Variants in KIF6 observed in about 807,000 individuals in gnomAD.
KIF6 encodes the protein kinesin-like protein KIF6.
In KIF6, 106 loss-of-function variants were observed where a neutral mutation model predicts 112.7. The observed-to-expected ratio is 0.94, with a 90% confidence interval of 0.80 to 1.11. The LOEUF (loss-of-function observed/expected upper bound fraction) is 1.11, where lower values mean the gene tolerates loss of function less well. Among genes scored for constraint, KIF6 ranks in the 50% least tolerant of loss-of-function variants. The probability of loss-of-function intolerance (pLI) is 0.00; values close to 1 mark genes in which losing one functional copy is unlikely to be tolerated. For missense variants in KIF6, 929 were observed against 964.0 expected (o/e 0.96, Z 0.48); for synonymous variants, 339 against 339.9 (o/e 1.00, Z 0.03).
At chr6:39,642,165 G>A (rs1464032215) in intron 3 of KIF6, among the ~76,000 whole-genome samples, 3 of 152,074 alleles carry the variant, frequency 2.0e-5, no homozygotes, top group African/African-American at 7.2e-5. Context: ...AAGAGAAATA[G>A]TGGTGTAATG....
At chr6:39,649,507 C>A (rs1561896975) in intron 3 of KIF6, among the ~76,000 whole-genome samples, 2 of 152,118 alleles carry the variant, frequency 1.3e-5, no homozygotes, top group South Asian at 2.1e-4. Flanking sequence ...GACCCACAGG[C>A]AAAATATAGC....
chr6:39,417,954 G>A (rs1437986893), intron 15 of KIF6, among the ~76,000 whole-genome samples: 1 of 151,960 alleles, frequency 6.6e-6, no homozygotes, highest in Non-Finnish European at 1.5e-5. Flanking sequence ...TGAGGTAAGA[G>A]GATGCTGACA....
chr6:39,600,916 G>A (rs1782531510), intron 6 of KIF6, among the ~76,000 whole-genome samples: 1 of 152,098 alleles, frequency 6.6e-6, no homozygotes, highest in African/African-American at 2.4e-5. Flanking sequence ...TGATTTTCAT[G>A]TTTCTAGAAT....
At chr6:39,337,221 TTCTTTC>T (rs879531066) in intron 22 of KIF6, among the ~76,000 whole-genome samples, 1,413 of 117,968 alleles carry the variant, frequency 0.012, 36 homozygotes, top group African/African-American at 0.044. Flanking sequence ...CTTTCTTTCT[TTCTTTC>T]TTTCTTTCTT....
chr6:39,691,387 T>A (rs1250142293), intron 3 of KIF6: 1 of 152,232 alleles, frequency 6.6e-6, no homozygotes, highest in Non-Finnish European at 1.5e-5. Flanking sequence ...AGTGAATATA[T>A]AAAAACTTCT....
In KIF6 at chr6:39,637,025, C is replaced by T. The variant is rs1488233934; in HGVS notation, c.400-2067G>A. Among the ~76,000 whole-genome samples, 3 of 152,118 alleles carry T rather than the reference C, an allele frequency of 2.0e-5. No individual in the cohort carries two copies. The South Asian group carries it at 6.2e-4, about 32-fold the overall frequency. Reference sequence around the variant, plus strand: ...AACAGATATCAACTAATCATTGTTGCTGCTGTTGCTATTATTATTGCTGTA... The same window carrying T: ...AACAGATATCAACTAATCATTGTTGTTGCTGTTGCTATTATTATTGCTGTA... On this transcript the variant is annotated intron_variant, in intron 4 of 22. Transcript: ENST00000287152.
At chr6:39,688,905 C>G (rs1186995547) in intron 3 of KIF6, among the ~76,000 whole-genome samples, 1 of 152,114 alleles carries the variant, frequency 6.6e-6, no homozygotes, top group Non-Finnish European at 1.5e-5. Flanking sequence ...TAATGTAAAT[C>G]CAGCCTGGGT....
chr6:39,426,889 A>G (rs990981487), intron 14 of KIF6, among the ~76,000 whole-genome samples: 10 of 152,162 alleles, frequency 6.6e-5, no homozygotes, highest in Admixed American at 3.3e-4. Context: ...TAATCCCTAC[A>G]TTTGTGCTTA....
At chr6:39,538,894 A>G (rs1204757972) in intron 13 of KIF6, among the ~76,000 whole-genome samples, 1 of 151,194 alleles carries the variant, frequency 6.6e-6, no homozygotes, top group Non-Finnish European at 1.5e-5. Flanking sequence ...GCCATAAAAA[A>G]TGATGAGTTC....
At chr6:39,702,197 C>T (rs1226819798) in intron 3 of KIF6, among the ~76,000 whole-genome samples, 1 of 152,166 alleles carries the variant, frequency 6.6e-6, no homozygotes, top group East Asian at 1.9e-4. Context: ...ATTCTCTCTA[C>T]CTGAATGCCT....
chr6:39,672,604 T>A (rs1344961319), intron 3 of KIF6, among the ~76,000 whole-genome samples: 1 of 152,202 alleles, frequency 6.6e-6, no homozygotes, highest in East Asian at 1.9e-4. Context: ...AACAGAAATT[T>A]ATTTTTCACA....
intron 10 of KIF6, among the ~76,000 whole-genome samples, chr6:39,564,076 CAAGT>C (rs1292575227): frequency 6.6e-6 from 1 of 152,116 alleles, no homozygotes; most frequent in Non-Finnish European, 1.5e-5. Context: ...ACTAAATAGA[CAAGT>C]AAGTATACAG....
chr6:39,715,782 T>G (rs906358407), intron 2 of KIF6, among the ~76,000 whole-genome samples: 1 of 152,198 alleles, frequency 6.6e-6, no homozygotes, highest in Non-Finnish European at 1.5e-5. Flanking sequence ...CTGGCTAGTA[T>G]GTCATTTAGC....
intron 6 of KIF6, among the ~76,000 whole-genome samples, chr6:39,606,594 T>C (rs1782902459): frequency 6.6e-6 from 1 of 152,150 alleles, no homozygotes; most frequent in African/African-American, 2.4e-5. Flanking sequence ...CTCAAGAGCA[T>C]AAACTTTCCT....
rs888419377 is a variant in KIF6, at chr6:39,335,397, A to G, written c.*1135T>C. 1.3e-5 allele frequency: 2 copies of G among 152,148 alleles called. No homozygotes were observed. The highest frequency in any genetic ancestry group is 2.4e-5 in the African/African-American group (1 of 41,398). The allele number at this position is 152,148 out of a possible 1,614,324, so 9.4% of individuals were successfully genotyped here. A position where few individuals can be genotyped will look rare whatever the true frequency, so the allele number is the denominator to read the frequency against. On this transcript the variant is annotated 3_prime_UTR_variant, in exon 23 of 23. Coordinates refer to ENST00000287152, the MANE Select transcript of KIF6 (RefSeq NM_145027.6). Reference sequence around the variant, plus strand: ...GCCTAGCTTAGAAATGTAATGGTTTAATCTTCTCCTGCATGATCCTGTTAC... The same window carrying G: ...GCCTAGCTTAGAAATGTAATGGTTTGATCTTCTCCTGCATGATCCTGTTAC...
chr6:39,360,604 A>G, intron 17 of KIF6, 74 bp from the exon 18 acceptor site: 1 of 1,565,472 alleles, frequency 6.4e-7, no homozygotes, highest in Non-Finnish European at 8.8e-7. Flanking sequence ...CTGTAAATGA[A>G]TGGGGCCCGT....
At chr6:39,555,123 G>A (rs1779622748) in intron 10 of KIF6, among the ~76,000 whole-genome samples, 1 of 151,978 alleles carries the variant, frequency 6.6e-6, no homozygotes, top group South Asian at 2.1e-4. Context: ...CACCTGGACT[G>A]TCTTAGAGAT....
chr6:39,497,807 A>T (rs913334039), intron 13 of KIF6, among the ~76,000 whole-genome samples: 3 of 152,240 alleles, frequency 2.0e-5, no homozygotes, highest in Admixed American at 1.3e-4. Context: ...TTTACCTTGC[A>T]GTCCATCCCC....
intron 5 of KIF6, among the ~76,000 whole-genome samples, chr6:39,625,756 G>A (rs562845891): frequency 1.6e-4 from 24 of 152,112 alleles, no homozygotes; most frequent in Non-Finnish European, 2.9e-4. Flanking sequence ...AACACAAAAT[G>A]TGTAGGCCAA....
Sources: allele counts gnomAD v4.1 joint callset (sites outside exome capture counted in the v4.1 genomes callset), GRCh38; gene constraint gnomAD v4.1.1; transcripts MANE v1.5; gene names NCBI Gene and HGNC (gene_info 2026-07-23, HGNC 2026-07-21).